Variants in PLXNB1 observed in about 807,000 individuals in gnomAD.
The protein encoded by PLXNB1 is plexin-B1.
A neutral mutation model predicts 209.4 loss-of-function variants in PLXNB1; 106 were observed. The ratio of observed to expected loss-of-function variants is 0.51; its 90% CI spans 0.43 to 0.59. The LOEUF is 0.59. Among genes scored for constraint, PLXNB1 ranks in the 20% least tolerant of loss-of-function variants. PLXNB1 has a pLI of 0.00. For synonymous variants in PLXNB1, 1,167 were observed against 1,183.2 expected (o/e 0.99, Z 0.28); for missense variants, 2,357 against 2,853.2 (o/e 0.83, Z 3.96).
chr3:48,422,532 C>A, intron 4 of PLXNB1, 73 bp from the exon 5 acceptor site: 1 of 1,455,016 alleles, frequency 6.9e-7, no homozygotes, highest in Non-Finnish European at 9.1e-7. Flanking sequence ...CTCCTCCACC[C>A]AATCGAAGTA....
At position 48,419,354 on chromosome 3, in the gene PLXNB1, A is replaced by G. The variant is rs1163004756; in HGVS notation, c.2722T>C (p.Leu908=). ...ACACAGGGGCAGGAGCTTGCCCCCAAGGTCGCCTCTTCCTGCAGGCACCAA... is the reference window on the plus strand; with the variant it reads ...ACACAGGGGCAGGAGCTTGCCCCCAGGGTCGCCTCTTCCTGCAGGCACCAA... ...PGLWELEEAT[L]GASSCPCVES... The change falls in exon 12 of 38, where the codon TTG becomes CTG. Residue 908 remains leucine, a synonymous_variant. Coordinates refer to ENST00000296440, the MANE Select transcript of PLXNB1 (RefSeq NM_001130082.3). This position sits in a 1 kb window ranked among gnomAD's most constrained non-coding sequence, Gnocchi z 5.7. 1 of 1,566,752 alleles carries G rather than the reference A, an allele frequency of 6.4e-7. No homozygotes were observed. The highest frequency in any genetic ancestry group is 2.3e-5 in the East Asian group (1 of 44,142).
In PLXNB1 at chr3:48,415,692, G is replaced by A. The variant is rs1317406962; in HGVS notation, c.3685C>T (p.Pro1229Ser). 1 of 1,557,656 alleles carries A rather than the reference G, an allele frequency of 6.4e-7. No homozygotes were observed. The highest frequency in any genetic ancestry group is 8.7e-7 in the Non-Finnish European group (1 of 1,150,054). The change falls in exon 19 of 38, where the codon CCT (proline) becomes TCT (serine). Residue 1229 changes from proline to serine, a missense_variant. Pro to Ser is a moderately conservative substitution (Grantham distance 74). Transcript: ENST00000296440. This position sits in a 1 kb window ranked among gnomAD's most constrained non-coding sequence, Gnocchi z 5.0. ...TSPRPTPATL[P>S]VAVWFGATER... ...GTGGCCCCAAACCACACAGCCACAG[G>A]GAGCGTGGCAGGCGTGGGGCGTGGG...
At chr3:48,427,083 G>C (rs1193223545) in intron 1 of PLXNB1, among the ~76,000 whole-genome samples, 1 of 152,138 alleles carries the variant, frequency 6.6e-6, no homozygotes, top group Non-Finnish European at 1.5e-5. Context: ...GCGTGCCAAA[G>C]TTCTCCAGCC....
chr3:48,428,907 C>T (rs1452531795), intron 1 of PLXNB1, among the ~76,000 whole-genome samples: 2 of 151,952 alleles, frequency 1.3e-5, no homozygotes, highest in Non-Finnish European at 2.9e-5. Context: ...GAGGGGAAGC[C>T]CCGACCTCCC....
At chr3:48,422,507 G>A in intron 4 of PLXNB1, 48 bp from the exon 5 acceptor site, 1 of 1,514,194 alleles carries the variant, frequency 6.6e-7, no homozygotes, top group Non-Finnish European at 8.8e-7. Flanking sequence ...ATGGCCAGAG[G>A]CCCAAAGCCC....
chr3:48,411,930 G>A lies in PLXNB1; in HGVS notation c.5180C>T (p.Thr1727Ile). The A allele has an allele frequency of 6.2e-7, 1 of 1,614,164 alleles. No homozygotes were observed. The highest frequency in any genetic ancestry group is 8.5e-7 in the Non-Finnish European group (1 of 1,180,016). ...QVDKGPVDSV[T>I]GKAKYTLNDN... The stretch of plus-strand genomic sequence containing the variant: ...GTTCAAGGTGTATTTGGCCTTGCCT[G>A]TCACACTGTCCACTGGCCCCTTATC... The change falls in exon 28 of 38, where the codon ACA (threonine) becomes ATA (isoleucine). Residue 1727 changes from threonine (T) to isoleucine (I), a missense_variant. Physicochemically the swap from Thr to Ile is moderately conservative, Grantham distance 89 (BLOSUM62 -1). This residue lies in a region of PLXNB1 where 65 missense variants were observed against 127.6 expected (regional missense o/e 0.51). Coordinates refer to ENST00000296440, the MANE Select transcript of PLXNB1 (RefSeq NM_001130082.3). This position sits in a 1 kb window ranked among gnomAD's most constrained non-coding sequence, Gnocchi z 4.0.
At chr3:48,421,130 T>A in intron 8 of PLXNB1, 98 bp downstream of exon 8, 1 of 1,436,484 alleles carries the variant, frequency 7.0e-7, no homozygotes, top group Non-Finnish European at 9.6e-7. Flanking sequence ...GAGAAAGGCA[T>A]CCATTCATGG....
chr3:48,418,344 G>C lies in PLXNB1; in HGVS notation c.3069C>G (p.Ser1023=). ...AGCGGCTGCAGTCTCCATGTCCCAC[G>C]GAACAGTCATACAGTACCACTGGGG... The part of the protein sequence containing the change: ...EGLHVVLYDC[S]VGHGDCSRCQ... Residue 1023 remains serine (S), a synonymous_variant, in exon 15 of 38, where the codon TCC becomes TCG. Transcript: ENST00000296440. The surrounding 1 kb of genome is among the most constrained non-coding windows in gnomAD (Gnocchi z 6.6). 1 of 1,613,676 alleles carries C rather than the reference G, an allele frequency of 6.2e-7. No homozygotes were observed. Among genetic ancestry groups the C allele is most frequent in the South Asian group, 1.1e-5 (1 of 91,090 alleles).
Position 48,413,795 on chromosome 3 carries a change from G to A in PLXNB1, c.4410C>T (p.Phe1470=). ...EFTVQMGNLR[F]SLGHVQYDGE... ...CGTCATACTGCACGTGACCCAGGGAGAAGCGCAAGTTCCCCATCTGCACCT... is the reference window on the plus strand; with the variant it reads ...CGTCATACTGCACGTGACCCAGGGAAAAGCGCAAGTTCCCCATCTGCACCT... The change falls in exon 23 of 38, where the codon TTC becomes TTT. Residue 1470 remains phenylalanine (F), a synonymous_variant. Coordinates refer to ENST00000296440, the MANE Select transcript of PLXNB1 (RefSeq NM_001130082.3). This position sits in a 1 kb window ranked among gnomAD's most constrained non-coding sequence, Gnocchi z 5.4. 6.2e-7 allele frequency: 1 copy of A among 1,613,666 alleles called. No individual in the cohort carries two copies. Among genetic ancestry groups the A allele is most frequent in the Non-Finnish European group, 8.5e-7 (1 of 1,179,858 alleles).
At chr3:48,428,492 C>A (rs981857679) in intron 1 of PLXNB1, among the ~76,000 whole-genome samples, 2 of 152,180 alleles carry the variant, frequency 1.3e-5, no homozygotes, top group Admixed American at 6.5e-5. Flanking sequence ...CCTCCCGGAC[C>A]CCCGTGGAGC....
chr3:48,416,190 GATGAGC>G lies in PLXNB1; in HGVS notation c.3481-29_3481-24del. The G allele has an allele frequency of 1.3e-6, 2 of 1,593,368 alleles. No homozygotes were observed. Among genetic ancestry groups the G allele is most frequent in the Non-Finnish European group, 1.7e-6 (2 of 1,169,726 alleles). On this transcript the variant is annotated intron_variant, in intron 17 of 37. Transcript: ENST00000296440. The surrounding 1 kb of genome is among the most constrained non-coding windows in gnomAD (Gnocchi z 4.1). Reference sequence around the variant, plus strand: ...ATCCTGTGGGACAGACAGGGAGAGAGATGAGCATCAGACCAGACACATGGAGGCAGG... The same window carrying G: ...ATCCTGTGGGACAGACAGGGAGAGAGATCAGACCAGACACATGGAGGCAGG...
Position 48,419,988 on chromosome 3 carries a change from A to G in PLXNB1, c.2298T>C (p.Asn766=). Residue 766 remains asparagine (N), a synonymous_variant, in exon 11 of 38, where the codon AAT becomes AAC. Coordinates refer to ENST00000296440, the MANE Select transcript of PLXNB1 (RefSeq NM_001130082.3). This position sits in a 1 kb window ranked among gnomAD's most constrained non-coding sequence, Gnocchi z 5.7. Reference sequence around the variant, plus strand: ...GGGCAGGGACAGCGGTTCCAGGTCCATTTTGGGGGCTGGGAGGGGAGGGCT... The same window carrying G: ...GGGCAGGGACAGCGGTTCCAGGTCCGTTTTGGGGGCTGGGAGGGGAGGGCT... The part of the protein sequence containing the change: ...HEEPSPPSPQ[N]GPGTAVPAPT... 6.3e-7 allele frequency: 1 copy of G among 1,593,332 alleles called. No homozygotes were observed. Among genetic ancestry groups the G allele is most frequent in the Non-Finnish European group, 8.6e-7 (1 of 1,167,676 alleles).
Position 48,410,883 on chromosome 3 carries a change from G to A in PLXNB1, c.5401C>T (p.Arg1801Cys), listed in dbSNP as rs759846178. 28 of 1,611,792 alleles carry A rather than the reference G, an allele frequency of 1.7e-5. No individual in the cohort carries two copies. In the Admixed American group the frequency reaches 2.3e-4, roughly 13 times the overall value. The change falls in exon 29 of 38, where the codon CGC (arginine) becomes TGC (cysteine). Residue 1801 changes from arginine to cysteine, a missense_variant. By Grantham distance (180) the Arg-to-Cys change is radical. This residue lies in a region of PLXNB1 where 414 missense variants were observed against 520.5 expected (regional missense o/e 0.80). Transcript: ENST00000296440. The surrounding 1 kb of genome is among the most constrained non-coding windows in gnomAD (Gnocchi z 6.4). ...ACGCCCTCACCAACATCAAGGGTGC[G>A]AGGGTCTGGCCGCTGGGTGAGAGGC... ...GVPLTQRPDP[R>C]TLDVEWRSGV...
In PLXNB1 at chr3:48,411,215, T is replaced by C. The variant is rs1456121006; in HGVS notation, c.5248-179A>G. ...CCCAGGGACAGCAGCTTCCTCCCCA[T>C]TGTGACCCCAGCACCTAGCGCAGTG... On this transcript the variant is annotated intron_variant, in intron 28 of 37. Coordinates refer to ENST00000296440, the MANE Select transcript of PLXNB1 (RefSeq NM_001130082.3). This position sits in a 1 kb window ranked among gnomAD's most constrained non-coding sequence, Gnocchi z 4.0. Among the ~76,000 whole-genome samples, 1 of 152,138 alleles carries C rather than the reference T, an allele frequency of 6.6e-6. No homozygotes were observed. Among genetic ancestry groups the C allele is most frequent in the Non-Finnish European group, 1.5e-5 (1 of 68,022 alleles).
At chr3:48,407,829 G>A (rs1024523592) in intron 34 of PLXNB1, among the ~76,000 whole-genome samples, 4 of 152,210 alleles carry the variant, frequency 2.6e-5, no homozygotes, top group African/African-American at 7.2e-5. Context: ...CTGCTGGGAA[G>A]GGGAGGTACT....
chr3:48,416,629 TGG>T lies in PLXNB1; in HGVS notation c.3375-180_3375-179del. The T allele has an allele frequency of 4.6e-6, 2 of 436,630 alleles. No homozygotes were observed. The highest frequency in any genetic ancestry group is 8.0e-6 in the Non-Finnish European group (2 of 248,882). The allele number at this position is 436,630 out of a possible 1,614,324, so 27.0% of individuals were successfully genotyped here. A position where few individuals can be genotyped will look rare whatever the true frequency, so the allele number is the denominator to read the frequency against. ...TTCTTTATGACACATCAGAAGGCCT[TGG>T]TATCTGAGAATTAATATTTGTGGCT... On this transcript the variant is annotated intron_variant, in intron 16 of 37. Coordinates refer to ENST00000296440, the MANE Select transcript of PLXNB1 (RefSeq NM_001130082.3). The surrounding 1 kb of genome is among the most constrained non-coding windows in gnomAD (Gnocchi z 4.1).
At position 48,419,051 on chromosome 3, in the gene PLXNB1, G is replaced by T; in HGVS notation, c.2833-12C>A. 1 of 1,613,532 alleles carries T rather than the reference G, an allele frequency of 6.2e-7. No individual in the cohort carries two copies. The highest frequency in any genetic ancestry group is 8.5e-7 in the Non-Finnish European group (1 of 1,179,584). ...TCTCCTGGGCCATCCTGAGGGCAGA[G>T]AACACAGCTGTTGGGCAGCTTCAGG... On this transcript the variant is annotated splice_polypyrimidine_tract_variant and intron_variant, in intron 12 of 37. Coordinates refer to ENST00000296440, the MANE Select transcript of PLXNB1 (RefSeq NM_001130082.3). This position sits in a 1 kb window ranked among gnomAD's most constrained non-coding sequence, Gnocchi z 5.7.
intron 27 of PLXNB1, 84 bp from the exon 28 acceptor site, chr3:48,412,093 C>T (rs946770655): frequency 1.3e-6 from 2 of 1,535,324 alleles, no homozygotes; most frequent in East Asian, 2.2e-5. Context: ...GGGGACAGGA[C>T]ATGGGCTTAA....
intron 27 of PLXNB1, 40 bp downstream of exon 27, chr3:48,412,198 C>G: frequency 1.9e-6 from 3 of 1,601,604 alleles, no homozygotes; most frequent in South Asian, 1.1e-5. Flanking sequence ...AGGGCCTGAC[C>G]CTCCCTGGAC....
Sources: gnomAD v4.1 joint callset for allele counts (sites outside exome capture counted in the v4.1 genomes callset) on GRCh38, gnomAD v4.1.1 for gene constraint, gnomAD v4.1.1 regional missense constraint, Gnocchi (gnomAD v3.1) non-coding constraint, MANE v1.5 for transcripts, NCBI Gene and HGNC (gene_info 2026-07-23, HGNC 2026-07-21) for gene names.